The following TRIM24 variants were observed in gnomAD, a reference collection of about 807,000 sequenced individuals.
The protein encoded by TRIM24 is transcription intermediary factor 1-alpha.
TRIM24 carries 29 observed loss-of-function variants against 123.9 expected under a neutral mutation model. That is an observed-to-expected ratio of 0.23 (90% CI 0.17 to 0.32). TRIM24 has a LOEUF of 0.32. TRIM24 is among the 10% of genes least tolerant of loss of function. The pLI is 1.00. For synonymous variants in TRIM24, 456 were observed against 461.1 expected, an observed-to-expected ratio of 0.99 and a Z score of 0.14; for missense variants, 932 against 1,295.3, an observed-to-expected ratio of 0.72 and a Z score of 4.31.
In TRIM24 at chr7:138,535,204, A is replaced by AAG. The variant is rs1796841544; in HGVS notation, c.997-3453_997-3452insAG. On this transcript the variant is annotated intron_variant, in intron 6 of 18. Transcript: ENST00000343526. The stretch of plus-strand genomic sequence containing the variant: ...TCTGTGTGTTTTAATTGGAGCATTT[A>AAG]GCCCATTTACATTTAAGGTTAATAT... 5.3e-5 allele frequency among the ~76,000 whole-genome samples: 8 copies of AAG among 152,310 alleles called. No homozygotes were observed. In the South Asian group the frequency reaches 1.7e-3, roughly 32 times the overall value.
chr7:138,493,247 A>G (rs1185469858), intron 1 of TRIM24, among the ~76,000 whole-genome samples: 1 of 151,306 alleles, frequency 6.6e-6, no homozygotes, highest in Non-Finnish European at 1.5e-5. Context: ...TGTCCCAGGG[A>G]TAGTTTTCTG....
At chr7:138,561,667 A>G (rs1173975427) in intron 9 of TRIM24, among the ~76,000 whole-genome samples, 8 of 152,124 alleles carry the variant, frequency 5.3e-5, no homozygotes, top group Non-Finnish European at 1.0e-4. Context: ...TAATTATGCT[A>G]CCGGGCCATG....
At chr7:138,536,256 C>G (rs1796870954) in intron 6 of TRIM24, among the ~76,000 whole-genome samples, 1 of 152,212 alleles carries the variant, frequency 6.6e-6, no homozygotes, top group South Asian at 2.1e-4. Context: ...CCGTTGCTGT[C>G]TAGGAGCTGC....
intron 2 of TRIM24, among the ~76,000 whole-genome samples, chr7:138,506,406 C>CA (rs1415426893): frequency 6.6e-6 from 1 of 152,174 alleles, no homozygotes; most frequent in African/African-American, 2.4e-5. Flanking sequence ...CTTTGCTTTA[C>CA]ATGTGATTAT....
intron 1 of TRIM24, among the ~76,000 whole-genome samples, chr7:138,468,385 C>A (rs904667109): frequency 1.3e-5 from 2 of 152,054 alleles, no homozygotes; most frequent in Admixed American, 6.6e-5. Flanking sequence ...TTATGAATTG[C>A]CTGCCCTTTT....
intron 2 of TRIM24, among the ~76,000 whole-genome samples, chr7:138,506,468 C>T (rs1186643985): frequency 6.6e-6 from 1 of 152,010 alleles, no homozygotes; most frequent in Non-Finnish European, 1.5e-5. Flanking sequence ...TGTGTATGCT[C>T]AATCCAGAAA....
intron 1 of TRIM24, among the ~76,000 whole-genome samples, chr7:138,502,533 ATACT>A (rs1563035849): frequency 6.6e-6 from 1 of 152,230 alleles, no homozygotes; most frequent in Non-Finnish European, 1.5e-5. Context: ...CTCCATTTAA[ATACT>A]TACATTGTAG....
chr7:138,585,304 T>C lies in TRIM24; in HGVS notation c.*353T>C, dbSNP rs768441793. On this transcript the variant is annotated 3_prime_UTR_variant, in exon 19 of 19. Transcript: ENST00000343526. Reference sequence around the variant, plus strand: ...TACTGTAGAAAGGAAATAGACTTTGTATGAACTCTTTAAGTTGAAAAGTAA... The same window carrying C: ...TACTGTAGAAAGGAAATAGACTTTGCATGAACTCTTTAAGTTGAAAAGTAA... 2.0e-5 allele frequency: 5 copies of C among 250,228 alleles called. No individual in the cohort carries two copies. Among genetic ancestry groups the C allele is most frequent in the Non-Finnish European group, 3.1e-5 (4 of 130,238 alleles). The allele number at this position is 250,228 out of a possible 1,614,324, so 15.5% of individuals were successfully genotyped here. A position where few individuals can be genotyped will look rare whatever the true frequency, so the allele number is the denominator to read the frequency against.
At chr7:138,481,235 C>T (rs1795520225) in intron 1 of TRIM24, among the ~76,000 whole-genome samples, 1 of 151,854 alleles carries the variant, frequency 6.6e-6, no homozygotes. Context: ...CAGTGATTCA[C>T]CTGCCTTGGC....
At chr7:138,533,619 G>A (rs1416262086) in intron 6 of TRIM24, among the ~76,000 whole-genome samples, 1 of 152,206 alleles carries the variant, frequency 6.6e-6, no homozygotes, top group African/African-American at 2.4e-5. Context: ...CGATTTGCCA[G>A]TATTTTATTG....
chr7:138,533,700 GC>G (rs1796798890), intron 6 of TRIM24, among the ~76,000 whole-genome samples: 1 of 152,150 alleles, frequency 6.6e-6, no homozygotes, highest in Non-Finnish European at 1.5e-5. Context: ...TCTCTGCCAG[GC>G]TTTGGTATCA....
chr7:138,460,484 A>T lies in TRIM24; in HGVS notation c.-65A>T. The T allele has an allele frequency of 8.0e-7, 1 of 1,247,118 alleles. No individual in the cohort carries two copies. 77.3% of individuals were successfully genotyped at this position (1,247,118 alleles called of 1,614,324 possible). A position where few individuals can be genotyped will look rare whatever the true frequency, so the allele number is the denominator to read the frequency against. ...GAGGAGCAGCCGCAGGAGGAGGAGG[A>T]GGTCGTCGGGGGCGGCGGGCGGAGA... On this transcript the variant is annotated 5_prime_UTR_variant, in exon 1 of 19. Transcript: ENST00000343526.
chr7:138,569,942 C>T (rs1313220758), intron 10 of TRIM24, among the ~76,000 whole-genome samples: 1 of 149,196 alleles, frequency 6.7e-6, no homozygotes, highest in Non-Finnish European at 1.5e-5. Context: ...TTCATCAAGT[C>T]ATCCTTTTTT....
intron 4 of TRIM24, among the ~76,000 whole-genome samples, chr7:138,524,521 C>T (rs1796570500): frequency 6.6e-6 from 1 of 152,092 alleles, no homozygotes; most frequent in African/African-American, 2.4e-5. Context: ...TATTTAGTTA[C>T]ATGTAAACAT....
chr7:138,516,795 A>G (rs1796405516), intron 3 of TRIM24, among the ~76,000 whole-genome samples: 1 of 150,362 alleles, frequency 6.7e-6, no homozygotes, highest in Non-Finnish European at 1.5e-5. Context: ...ATGTATCAAA[A>G]TGTAGCAAAA....
At chr7:138,573,722 C>T (rs10244245) in intron 12 of TRIM24, 80 bp downstream of exon 12, 2 of 1,458,736 alleles carry the variant, frequency 1.4e-6, no homozygotes, top group African/African-American at 1.4e-5. Flanking sequence ...CCCCTCTTCT[C>T]CTTTTTTGTT....
intron 1 of TRIM24, among the ~76,000 whole-genome samples, chr7:138,480,027 C>A (rs1795493630): frequency 6.6e-6 from 1 of 152,104 alleles, no homozygotes; most frequent in Non-Finnish European, 1.5e-5. Flanking sequence ...CCATGTTGGC[C>A]AGGCTGGTCT....
intron 1 of TRIM24, chr7:138,490,917 C>T (rs760471165): frequency 2.1e-5 from 8 of 388,252 alleles, no homozygotes; most frequent in Middle Eastern, 6.9e-4. Context: ...AGAGATCTTC[C>T]GTATCTGATT....
At chr7:138,536,217 A>C (rs1167594780) in intron 6 of TRIM24, among the ~76,000 whole-genome samples, 2 of 152,054 alleles carry the variant, frequency 1.3e-5, no homozygotes, top group Admixed American at 1.3e-4. Flanking sequence ...CTCTCAACTC[A>C]TCAAGGTCAT....
Sources: allele counts gnomAD v4.1 joint callset (sites outside exome capture counted in the v4.1 genomes callset), GRCh38; gene constraint gnomAD v4.1.1; transcripts MANE v1.5; gene names NCBI Gene and HGNC (gene_info 2026-07-23, HGNC 2026-07-21).